The following APPL2 variants were observed in gnomAD, a reference collection of about 807,000 sequenced individuals.
The protein encoded by APPL2 is DCC-interacting protein 13-beta.
APPL2 carries 84 observed loss-of-function variants against 92.7 expected under a neutral mutation model. The observed-to-expected ratio is 0.91, with a 90% confidence interval of 0.76 to 1.09. APPL2 has a LOEUF of 1.09. APPL2 is among the 50% of genes least tolerant of loss of function. The pLI, the probability that APPL2 is intolerant of heterozygous loss-of-function variation, is 0.00. For synonymous variants in APPL2, 291 were observed against 291.0 expected (o/e 1.00, Z 0.00); for missense variants, 736 against 824.5 (o/e 0.89, Z 1.31).
intron 1 of APPL2, among the ~76,000 whole-genome samples, chr12:105,234,775 T>C (rs1891130706): frequency 1.2e-5 from 1 of 86,728 alleles, no homozygotes; most frequent in Admixed American, 1.4e-4. Flanking sequence ...ATGCCAGGAG[T>C]CTACAGCCAT....
At chr12:105,232,750 C>T (rs574680922) in intron 1 of APPL2, among the ~76,000 whole-genome samples, 4 of 108,396 alleles carry the variant, frequency 3.7e-5, no homozygotes, top group South Asian at 3.0e-4. Context: ...GGCAACAAAG[C>T]GAGACCCTGT....
intron 5 of APPL2, among the ~76,000 whole-genome samples, chr12:105,210,227 TGGGATTACAGGCGTGAGCCACTGTGCCC>T (rs1889101692): frequency 6.6e-6 from 1 of 152,222 alleles, no homozygotes; most frequent in Non-Finnish European, 1.5e-5. Context: ...CCCAAAGTGC[TGGGATTACAGGCGTGAGCCACTGTGCCC>T]GGCCAATCTT....
At position 105,229,110 on chromosome 12, in the gene APPL2, G is replaced by T. The variant is rs1363487548; in HGVS notation, c.153+15C>A. On this transcript the variant is annotated intron_variant, in intron 2 of 20. Coordinates refer to ENST00000258530, the MANE Select transcript of APPL2 (RefSeq NM_018171.5). ...TGCCCACTCTGCGGTATCCAGGTGA[G>T]GGGTGGCAGCATACCTGGGCTCCAT... The T allele has an allele frequency of 6.2e-7, 1 of 1,605,830 alleles. No individual in the cohort carries two copies. Among genetic ancestry groups the T allele is most frequent in the Non-Finnish European group, 8.5e-7 (1 of 1,175,424 alleles).
chr12:105,189,978 T>C lies in APPL2; in HGVS notation c.1406+13A>G, dbSNP rs1887055848. 1 of 1,613,490 alleles carries C rather than the reference T, an allele frequency of 6.2e-7. No homozygotes were observed. Among genetic ancestry groups the C allele is most frequent in the African/African-American group, 1.3e-5 (1 of 74,910 alleles). On this transcript the variant is annotated intron_variant, in intron 15 of 20. Transcript: ENST00000258530. ...TTTCAGTTCTCCCAGAGATAACCTC[T>C]CTCAGCCCATACCTGCTCCCTCTGT...
At chr12:105,226,757 C>T (rs747543804) in intron 2 of APPL2, among the ~76,000 whole-genome samples, 7 of 152,060 alleles carry the variant, frequency 4.6e-5, no homozygotes, top group Non-Finnish European at 8.8e-5. Context: ...GGGAAAAATA[C>T]AAAAACAAAA....
At chr12:105,200,900 CT>C (rs1888140139) in intron 9 of APPL2, among the ~76,000 whole-genome samples, 6 of 144,176 alleles carry the variant, frequency 4.2e-5, no homozygotes, top group Non-Finnish European at 9.1e-5. Flanking sequence ...ATCTATCTAT[CT>C]ATCCTATCTA....
intron 8 of APPL2, among the ~76,000 whole-genome samples, chr12:105,205,805 G>C (rs1039021819): frequency 1.5e-4 from 23 of 152,234 alleles, no homozygotes; most frequent in Non-Finnish European, 1.3e-4. Flanking sequence ...CTGCAGGAGA[G>C]GGGAGGGCAA....
intron 9 of APPL2, among the ~76,000 whole-genome samples, chr12:105,203,208 C>T (rs1265365959): frequency 1.3e-5 from 2 of 152,214 alleles, no homozygotes; most frequent in East Asian, 1.9e-4. Context: ...GGTGGCAGGG[C>T]GCCCACAGCC....
chr12:105,176,737 T>A (rs567726478), intron 19 of APPL2, 139 bp downstream of exon 19: 2 of 1,113,378 alleles, frequency 1.8e-6, no homozygotes, highest in South Asian at 3.3e-5. Context: ...GAGGCCTTCT[T>A]AGGAGGTATT....
intron 14 of APPL2, among the ~76,000 whole-genome samples, chr12:105,192,090 T>A (rs1887251831): frequency 1.3e-5 from 2 of 151,496 alleles, no homozygotes; most frequent in East Asian, 3.9e-4. Context: ...AAACATGAAC[T>A]CTTCTTTTTT....
intron 16 of APPL2, 67 bp from the exon 17 acceptor site, chr12:105,188,514 G>A (rs774133852): frequency 1.9e-4 from 289 of 1,546,142 alleles, no homozygotes; most frequent in Non-Finnish European, 2.3e-4. Flanking sequence ...GCATACCAGG[G>A]TCAGATGTGC....
intron 20 of APPL2, among the ~76,000 whole-genome samples, chr12:105,175,729 T>G (rs934691541): frequency 6.6e-6 from 1 of 151,526 alleles, no homozygotes; most frequent in Non-Finnish European, 1.5e-5. Flanking sequence ...AGCAAGGCCT[T>G]AGAGCAGCAC....
intron 17 of APPL2, among the ~76,000 whole-genome samples, chr12:105,187,802 C>G (rs1464561438): frequency 6.6e-6 from 1 of 152,102 alleles, no homozygotes; most frequent in Admixed American, 6.5e-5. Flanking sequence ...GTATCATACA[C>G]CCATGTTCAT....
At chr12:105,211,772 T>C (rs1035734720) in intron 4 of APPL2, among the ~76,000 whole-genome samples, 7 of 152,190 alleles carry the variant, frequency 4.6e-5, no homozygotes, top group African/African-American at 1.7e-4. Context: ...GCTGGAAACC[T>C]ACTCGCCTGA....
Position 105,208,183 on chromosome 12 carries a change from C to G in APPL2, c.390G>C (p.Lys130Asn). The change falls in exon 6 of 21, where the codon AAG becomes AAC. Residue 130 changes from lysine to asparagine, a missense_variant. Physicochemically the swap from Lys to Asn is moderately conservative, Grantham distance 94. Transcript: ENST00000258530. Reference protein sequence around the residue: ...EKDLTEVSTLKDLFGLASNEH... With the variant: ...EKDLTEVSTLNDLFGLASNEH... ...CATTGCTAGCGAGTCCAAATAGATC[C>G]TTTAAAGTGCTTACTTCTGAAAAGG... 6.2e-7 allele frequency: 1 copy of G among 1,614,196 alleles called. No individual in the cohort carries two copies.
Position 105,217,030 on chromosome 12 carries a change from G to A in APPL2, c.285+39C>T, listed in dbSNP as rs1028235615. 11 of 1,442,868 alleles carry A rather than the reference G, an allele frequency of 7.6e-6. No homozygotes were observed. In the East Asian group the frequency reaches 2.5e-4, roughly 33 times the overall value. 89.4% of individuals were successfully genotyped at this position (1,442,868 alleles called of 1,614,324 possible). A position where few individuals can be genotyped will look rare whatever the true frequency, so the allele number is the denominator to read the frequency against. On this transcript the variant is annotated intron_variant, in intron 4 of 20. Transcript: ENST00000258530. ...AAAATAACAACAAAAGAAAGTTCGA[G>A]AAAGAATCAAATACAAATTTTCTAT...
chr12:105,232,761 C>T (rs1891013299), intron 1 of APPL2, among the ~76,000 whole-genome samples: 2 of 40,856 alleles, frequency 4.9e-5, no homozygotes, highest in Admixed American at 8.9e-4. Context: ...GAGACCCTGT[C>T]TCAAAAAAAA....
intron 2 of APPL2, among the ~76,000 whole-genome samples, chr12:105,226,250 A>C (rs1295971302): frequency 6.6e-6 from 1 of 152,234 alleles, no homozygotes; most frequent in Non-Finnish European, 1.5e-5. Context: ...CTTTCAAAGA[A>C]ACCTGAAAAA....
At chr12:105,226,453 C>G (rs553916404) in intron 2 of APPL2, among the ~76,000 whole-genome samples, 1 of 152,176 alleles carries the variant, frequency 6.6e-6, no homozygotes. Context: ...TGGGTTACAG[C>G]CTCTAGGAAG....
Sources: gnomAD v4.1 joint callset for allele counts (sites outside exome capture counted in the v4.1 genomes callset) on GRCh38, gnomAD v4.1.1 for gene constraint, MANE v1.5 for transcripts, NCBI Gene and HGNC (gene_info 2026-07-23, HGNC 2026-07-21) for gene names.